RFX7: variants seen among roughly 807,000 people sequenced by gnomAD.
RFX7 encodes DNA-binding protein RFX7.
Under a neutral mutation model 111.8 loss-of-function variants are expected in RFX7, and 26 were observed. The ratio of observed to expected loss-of-function variants is 0.23; its 90% CI spans 0.17 to 0.32. The LOEUF is 0.32. RFX7 is among the 10% of genes least tolerant of loss of function. The pLI, the probability that RFX7 is intolerant of heterozygous loss-of-function variation, is 1.00. For missense variants in RFX7, 1,573 were observed against 1,772.9 expected, an observed-to-expected ratio of 0.89 and a Z score of 2.02; for synonymous variants, 624 against 624.4, an observed-to-expected ratio of 1.00 and a Z score of 0.01.
Position 56,088,418 on chromosome 15 carries a change from C to G in RFX7, c.*4927G>C, listed in dbSNP as rs1219236386. ...ACTGGGTCTAATGCAAAGAAATACT[C>G]TATATACCACAGTAATATCACTCTC... On this transcript the variant is annotated 3_prime_UTR_variant, in exon 10 of 10. Transcript: ENST00000559447. 6.6e-6 allele frequency: 1 copy of G among 152,180 alleles called. No individual in the cohort carries two copies. The highest frequency in any genetic ancestry group is 2.4e-5 in the African/African-American group (1 of 41,448). The allele number at this position is 152,180 out of a possible 1,614,324, so 9.4% of individuals were successfully genotyped here. A position where few individuals can be genotyped will look rare whatever the true frequency, so the allele number is the denominator to read the frequency against.
chr15:56,186,021 T>C (rs1269354433), intron 2 of RFX7, among the ~76,000 whole-genome samples: 6 of 152,210 alleles, frequency 3.9e-5, no homozygotes, highest in African/African-American at 1.4e-4. Context: ...CCAATTTGTA[T>C]ACGGATTTAT....
rs773287208 is a variant in RFX7, at chr15:56,243,156, C to A, written c.130G>T (p.Ala44Ser). The A allele has an allele frequency of 1.5e-5, 20 of 1,361,098 alleles. No homozygotes were observed. Among genetic ancestry groups the A allele is most frequent in the Admixed American group, 1.9e-5 (1 of 51,980 alleles). 84.3% of individuals were successfully genotyped at this position (1,361,098 alleles called of 1,614,324 possible). The change falls in exon 2 of 10, where the codon GCG (alanine) becomes TCG (serine). Residue 44 changes from alanine to serine, a missense_variant. Ala to Ser is a moderately conservative substitution (Grantham distance 99, BLOSUM62 1). Around this residue, in one of 7 missense-constraint regions of RFX7, gnomAD observed 191 missense variants for 194.2 expected, o/e 0.98. Coordinates refer to ENST00000559447, the MANE Select transcript of RFX7 (RefSeq NM_022841.7). ...GAGTTCTTGATCTTGTGTTGCAGCG[C>A]GCTGGCCTCTGTCCCTGGCAGCCCG... ...VPGLPGTEASALQHKIKNSIC... is the reference protein window; with the variant it reads ...VPGLPGTEASSLQHKIKNSIC...
At chr15:56,219,898 G>C (rs1421613436) in intron 2 of RFX7, among the ~76,000 whole-genome samples, 1 of 152,044 alleles carries the variant, frequency 6.6e-6, no homozygotes, top group Non-Finnish European at 1.5e-5. Flanking sequence ...TGGGATTGCT[G>C]GGTCATATGG....
At chr15:56,207,780 T>C (rs563909640) in intron 2 of RFX7, among the ~76,000 whole-genome samples, 7 of 151,986 alleles carry the variant, frequency 4.6e-5, no homozygotes, top group African/African-American at 1.7e-4. Context: ...CCCTACAAGA[T>C]AAAAAGCCGA....
At chr15:56,193,895 A>T (rs954210683) in intron 2 of RFX7, among the ~76,000 whole-genome samples, 1 of 152,318 alleles carries the variant, frequency 6.6e-6, no homozygotes, top group African/African-American at 2.4e-5. Flanking sequence ...GTGTTTAAAA[A>T]TTAAAAAAAC....
chr15:56,148,481 T>C (rs1385878477), intron 3 of RFX7, among the ~76,000 whole-genome samples: 1 of 152,192 alleles, frequency 6.6e-6, no homozygotes, highest in Non-Finnish European at 1.5e-5. Context: ...AAGGGGAAAA[T>C]GAAGGCATAG....
At chr15:56,241,825 C>T (rs1351291038) in intron 2 of RFX7, among the ~76,000 whole-genome samples, 2 of 152,152 alleles carry the variant, frequency 1.3e-5, no homozygotes, top group African/African-American at 4.8e-5. Flanking sequence ...AATATTTAAA[C>T]TTCATTTTAA....
chr15:56,158,794 G>T (rs1191600396), intron 3 of RFX7, among the ~76,000 whole-genome samples: 3 of 151,940 alleles, frequency 2.0e-5, no homozygotes, highest in African/African-American at 7.3e-5. Flanking sequence ...CTACAGCCTG[G>T]GTAACAGAGC....
Position 56,193,712 on chromosome 15 carries a change from T to C in RFX7, c.162-14409A>G, listed in dbSNP as rs189250853. Among the ~76,000 whole-genome samples the C allele has an allele frequency of 5.3e-5, 8 of 152,174 alleles. No individual in the cohort carries two copies. In the East Asian group the frequency reaches 9.7e-4, roughly 18 times the overall value. On this transcript the variant is annotated intron_variant, in intron 2 of 9. Coordinates refer to ENST00000559447, the MANE Select transcript of RFX7 (RefSeq NM_022841.7). ...TTACCAGAATGTTATTGATATAAAG[T>C]AGTAGGGAAGAGGGGGAAAACATCA...
chr15:56,148,901 G>A (rs7168319), intron 3 of RFX7, among the ~76,000 whole-genome samples: 46,275 of 151,794 alleles, frequency 0.3, 8,011 homozygotes, highest in East Asian at 0.41. Flanking sequence ...CTAACACGGT[G>A]AAACCCCATC....
At chr15:56,229,117 A>C (rs1471843461) in intron 2 of RFX7, among the ~76,000 whole-genome samples, 4 of 152,190 alleles carry the variant, frequency 2.6e-5, no homozygotes, top group African/African-American at 4.8e-5. Context: ...TAAAACTCAC[A>C]AATTTTTTTT....
intron 5 of RFX7, among the ~76,000 whole-genome samples, chr15:56,128,007 T>A (rs1177533197): frequency 6.6e-6 from 1 of 151,856 alleles, no homozygotes; most frequent in Admixed American, 6.6e-5. Context: ...AAAAACTGTA[T>A]GACAACAAAT....
chr15:56,201,720 G>GT (rs1169776945), intron 2 of RFX7, among the ~76,000 whole-genome samples: 4 of 152,038 alleles, frequency 2.6e-5, no homozygotes, highest in African/African-American at 9.7e-5. Flanking sequence ...GAAATCATTT[G>GT]TTTTTTGGCC....
intron 5 of RFX7, among the ~76,000 whole-genome samples, chr15:56,130,160 G>A (rs74987761): frequency 6.6e-6 from 1 of 152,242 alleles, no homozygotes; most frequent in East Asian, 1.9e-4. Context: ...TTGAAGATGA[G>A]CAGTGTGTTA....
chr15:56,159,899 G>A lies in RFX7; in HGVS notation c.196-15416C>T, dbSNP rs571471460. On this transcript the variant is annotated intron_variant, in intron 3 of 9. Transcript: ENST00000559447. ...ATTCAATTTAAAAGTAGCCTAAATG[G>A]AGAGATCTGCTCCTGTTTTTAGGGA... Among the ~76,000 whole-genome samples, 4 of 152,180 alleles carry A rather than the reference G, an allele frequency of 2.6e-5. No homozygotes were observed. The South Asian group carries it at 8.3e-4, about 32-fold the overall frequency.
At chr15:56,125,564 C>T (rs1327181720) in intron 5 of RFX7, among the ~76,000 whole-genome samples, 6 of 151,062 alleles carry the variant, frequency 4.0e-5, no homozygotes, top group African/African-American at 9.7e-5. Flanking sequence ...AGAAGTCTTT[C>T]GCATCCTTGG....
intron 2 of RFX7, among the ~76,000 whole-genome samples, chr15:56,215,551 AG>A: frequency 6.6e-6 from 1 of 152,310 alleles, no homozygotes; most frequent in South Asian, 2.1e-4. Flanking sequence ...CAAGCTGGCT[AG>A]GATGTTATTA....
intron 5 of RFX7, among the ~76,000 whole-genome samples, chr15:56,110,282 C>T (rs1351956666): frequency 9.4e-6 from 1 of 106,010 alleles, no homozygotes; most frequent in Non-Finnish European, 2.1e-5. Flanking sequence ...GGGGTCAGCC[C>T]CCCGCCTGGC....
intron 2 of RFX7, among the ~76,000 whole-genome samples, chr15:56,180,318 G>T (rs2042955564): frequency 6.6e-6 from 1 of 151,974 alleles, no homozygotes; most frequent in Admixed American, 6.6e-5. Flanking sequence ...AATATGACTG[G>T]ATTCAGTTTA....
Sources: gnomAD v4.1 joint callset for allele counts (sites outside exome capture counted in the v4.1 genomes callset) on GRCh38, gnomAD v4.1.1 for gene constraint, gnomAD v4.1.1 regional missense constraint, MANE v1.5 for transcripts, NCBI Gene and HGNC (gene_info 2026-07-23, HGNC 2026-07-21) for gene names.